Variants in AOPEP observed in about 807,000 individuals in gnomAD.
AOPEP encodes aminopeptidase O (putative).
A neutral mutation model predicts 98.1 loss-of-function variants in AOPEP; 77 were observed. The observed-to-expected ratio is 0.78, with a 90% CI of 0.65 to 0.95. The LOEUF is 0.95. Among genes scored for constraint, AOPEP ranks in the 40% least tolerant of loss-of-function variants. The pLI, the probability that AOPEP is intolerant of heterozygous loss-of-function variation, is 0.00. For synonymous variants in AOPEP, 346 were observed against 365.3 expected (o/e 0.95, Z 0.60); for missense variants, 1,024 against 1,024.7 (o/e 1.00, Z 0.01).
At chr9:94,798,554 A>G (rs1218796116) in intron 4 of AOPEP, among the ~76,000 whole-genome samples, 1 of 152,172 alleles carries the variant, frequency 6.6e-6, no homozygotes, top group Non-Finnish European at 1.5e-5. Flanking sequence ...ATCTTTTCCC[A>G]TGTTATATTT....
the AOPEP span, among the ~76,000 whole-genome samples, chr9:95,138,168 A>G: frequency 2.0e-5 from 3 of 152,256 alleles, no homozygotes; most frequent in Admixed American, 2.0e-4. Flanking sequence ...AGCCGAGGTC[A>G]GAGAGGACCA....
chr9:94,967,839 A>G (rs1376076067), intron 10 of AOPEP, 38 bp downstream of exon 10: 1 of 1,531,786 alleles, frequency 6.5e-7, no homozygotes, highest in African/African-American at 1.4e-5. Context: ...TTAAGAGCCC[A>G]GTTTTAATGT....
At chr9:95,032,897 G>A (rs1022471493) in intron 13 of AOPEP, among the ~76,000 whole-genome samples, 1 of 152,198 alleles carries the variant, frequency 6.6e-6, no homozygotes. Flanking sequence ...ATGGGCATGT[G>A]CATGTATAGG....
chr9:95,077,738 A>T (rs1397698092), intron 14 of AOPEP, among the ~76,000 whole-genome samples: 2 of 152,108 alleles, frequency 1.3e-5, no homozygotes, highest in African/African-American at 4.8e-5. Context: ...GGAGACAGAT[A>T]TTCTGTCAGG....
At chr9:94,891,746 T>C (rs1252568087) in intron 5 of AOPEP, among the ~76,000 whole-genome samples, 2 of 152,214 alleles carry the variant, frequency 1.3e-5, no homozygotes, top group African/African-American at 2.4e-5. Flanking sequence ...AACCATAAAA[T>C]AAGATTTTTA....
chr9:94,923,708 T>C (rs1392359788), intron 5 of AOPEP, among the ~76,000 whole-genome samples: 1 of 152,208 alleles, frequency 6.6e-6, no homozygotes, highest in Admixed American at 6.5e-5. Context: ...AATTTTTGTT[T>C]TGAGTGTAAA....
At position 94,964,795 on chromosome 9, in the gene AOPEP, C is replaced by T. The variant is rs190195599; in HGVS notation, c.1873-2963C>T. On this transcript the variant is annotated intron_variant, in intron 9 of 16. Transcript: ENST00000375315. ...GCTGGTATTACAGGTGCCCACCAAC[C>T]CACCCAGCTAATTTTTTGTATTTTT... Among the ~76,000 whole-genome samples the T allele has an allele frequency of 1.9e-3, 285 of 151,918 alleles. 1 individual carries two copies. Among genetic ancestry groups the T allele is most frequent in the Non-Finnish European group, 3.0e-3 (203 of 67,938 alleles).
At chr9:94,808,432 T>A (rs547753042) in intron 5 of AOPEP, among the ~76,000 whole-genome samples, 50 of 152,300 alleles carry the variant, frequency 3.3e-4, no homozygotes, top group South Asian at 8.3e-4. Context: ...TACTTTTTTT[T>A]AAAAAAAATT....
At chr9:95,139,039 A>C in the AOPEP span, among the ~76,000 whole-genome samples, 6 of 152,344 alleles carry the variant, frequency 3.9e-5, no homozygotes, top group African/African-American at 1.4e-4. Flanking sequence ...CCCTGAATGA[A>C]GGAATCGCCG....
intron 13 of AOPEP, among the ~76,000 whole-genome samples, chr9:95,044,947 A>C (rs1289075583): frequency 1.3e-5 from 2 of 152,202 alleles, no homozygotes; most frequent in Non-Finnish European, 2.9e-5. Flanking sequence ...CTCGGCACAC[A>C]TCTCAGGCTG....
chr9:94,761,910 C>T (rs200818583), intron 2 of AOPEP, among the ~76,000 whole-genome samples: 3 of 152,152 alleles, frequency 2.0e-5, no homozygotes, highest in East Asian at 3.9e-4. Flanking sequence ...AATTTCAATA[C>T]AATATAACAA....
intron 2 of AOPEP, among the ~76,000 whole-genome samples, chr9:94,765,446 A>AATAATAATAATAATG (rs1839361512): frequency 7.0e-6 from 1 of 143,464 alleles, no homozygotes; most frequent in Non-Finnish European, 1.5e-5. Flanking sequence ...CAAAAATAAT[A>AATAATAATAATAATG]ATAATAATAA....
At chr9:95,101,959 G>A in the AOPEP span, 3 of 1,270,926 alleles carry the variant, frequency 2.4e-6, no homozygotes, top group Admixed American at 1.9e-5. Context: ...GCCCTATCCA[G>A]CATTTCCATC....
chr9:94,758,753 C>T (rs570549514), intron 1 of AOPEP, among the ~76,000 whole-genome samples: 6 of 152,174 alleles, frequency 3.9e-5, no homozygotes, highest in Admixed American at 1.3e-4. Flanking sequence ...AAACTAGGTA[C>T]ACAACGGGGA....
At chr9:95,113,797 T>C in the AOPEP span, 3 of 152,278 alleles carry the variant, frequency 2.0e-5, no homozygotes, top group East Asian at 3.9e-4. Flanking sequence ...TAATTTTTTG[T>C]ATTTTTAGTA....
At chr9:95,116,004 G>C in the AOPEP span, among the ~76,000 whole-genome samples, 1 of 152,218 alleles carries the variant, frequency 6.6e-6, no homozygotes, top group Non-Finnish European at 1.5e-5. Context: ...GTAATATACA[G>C]ACAGCTCTTC....
chr9:95,150,041 G>A, the AOPEP span: 1 of 1,614,166 alleles, frequency 6.2e-7, no homozygotes, highest in Middle Eastern at 1.6e-4. Flanking sequence ...AGGGTAATAA[G>A]TGGGACACAA....
chr9:95,062,481 G>A (rs1010863912), intron 14 of AOPEP, among the ~76,000 whole-genome samples: 3 of 152,188 alleles, frequency 2.0e-5, no homozygotes, highest in South Asian at 2.1e-4. Flanking sequence ...CAGCGTGTTC[G>A]GGATGTAGCG....
At chr9:94,961,602 T>C (rs1260437561) in intron 9 of AOPEP, among the ~76,000 whole-genome samples, 5 of 152,220 alleles carry the variant, frequency 3.3e-5, no homozygotes, top group African/African-American at 1.2e-4. Flanking sequence ...TGGTCCTTAA[T>C]TTATTACCTT....
Sources: allele counts gnomAD v4.1 joint callset (sites outside exome capture counted in the v4.1 genomes callset), GRCh38; gene constraint gnomAD v4.1.1; transcripts MANE v1.5; gene names NCBI Gene and HGNC (gene_info 2026-07-23, HGNC 2026-07-21).